SLC5A10: variants seen among roughly 807,000 people sequenced by gnomAD.
SLC5A10 encodes solute carrier family 5 member 10.
SLC5A10 carries 55 observed loss-of-function variants against 68.9 expected under a neutral mutation model. The observed-to-expected ratio is 0.80, with a 90% CI of 0.64 to 1.00. SLC5A10 has a LOEUF of 1.00. Ranked by LOEUF, SLC5A10 falls within the 50% of genes least tolerant of loss-of-function variation. SLC5A10 has a pLI of 0.00. For synonymous variants in SLC5A10, 344 were observed against 344.8 expected, an observed-to-expected ratio of 1.00 and a Z score of 0.02; for missense variants, 732 against 819.3, an observed-to-expected ratio of 0.89 and a Z score of 1.30.
intron 9 of SLC5A10, among the ~76,000 whole-genome samples, chr17:19,001,810 G>A (rs536188466): frequency 1.3e-5 from 2 of 152,326 alleles, no homozygotes; most frequent in Non-Finnish European, 2.9e-5. Context: ...CGGGGGATCT[G>A]TCTGTCTGCA....
chr17:18,979,508 A>C (rs1567791998), intron 9 of SLC5A10: 1 of 1,607,874 alleles, frequency 6.2e-7, no homozygotes. Flanking sequence ...TGGGAGCCAG[A>C]GGTACCTCTC....
In SLC5A10 at chr17:19,003,582, G is replaced by A. The variant is rs1412817231; in HGVS notation, c.983-9828G>A. 1 of 1,598,418 alleles carries A rather than the reference G, an allele frequency of 6.3e-7. No individual in the cohort carries two copies. On this transcript the variant is annotated intron_variant, in intron 9 of 14. Coordinates refer to ENST00000395645, the MANE Select transcript of SLC5A10 (RefSeq NM_001042450.4). The surrounding 1 kb of genome is among the most constrained non-coding windows in gnomAD (Gnocchi z 4.5). ...TTGATGTGGGCCTGCCCGTCTATGGGGGGCTGCATGTAGACGCTAGCCCGG... is the reference window on the plus strand; with the variant it reads ...TTGATGTGGGCCTGCCCGTCTATGGAGGGCTGCATGTAGACGCTAGCCCGG...
chr17:19,015,960 C>T (rs1231427664), intron 11 of SLC5A10, among the ~76,000 whole-genome samples: 1 of 152,114 alleles, frequency 6.6e-6, no homozygotes, highest in Non-Finnish European at 1.5e-5. Flanking sequence ...ATCCATCACC[C>T]GAGTGGTATA....
At position 19,017,652 on chromosome 17, in the gene SLC5A10, C is replaced by T. The variant is rs144294169; in HGVS notation, c.1242-1771C>T. On this transcript the variant is annotated intron_variant, in intron 11 of 14. Transcript: ENST00000395645. The surrounding 1 kb of genome is among the most constrained non-coding windows in gnomAD (Gnocchi z 5.6). ...CAGTCCACTGTTCCGCCACTGCCCCCCTGCCCCACTCTCCCCTGTCTGTGT... is the reference window on the plus strand; with the variant it reads ...CAGTCCACTGTTCCGCCACTGCCCCTCTGCCCCACTCTCCCCTGTCTGTGT... The T allele has an allele frequency of 2.3e-4, 110 of 471,606 alleles. No homozygotes were observed. The East Asian group carries it at 3.6e-3, about 16-fold the overall frequency. The allele number at this position is 471,606 out of a possible 1,614,324, so 29.2% of individuals were successfully genotyped here. A position where few individuals can be genotyped will look rare whatever the true frequency, so the allele number is the denominator to read the frequency against.
intron 7 of SLC5A10, chr17:18,970,533 CAG>C: frequency 5.6e-6 from 1 of 178,044 alleles, no homozygotes; most frequent in South Asian, 1.2e-4. Context: ...CTCTGTGCCT[CAG>C]GGGGTGGGGC....
rs2044182374 is a variant in SLC5A10, at chr17:19,018,313, G to A, written c.1242-1110G>A. 6.6e-6 allele frequency: 1 copy of A among 152,362 alleles called. No individual in the cohort carries two copies. Among genetic ancestry groups the A allele is most frequent in the African/African-American group, 2.4e-5 (1 of 41,452 alleles). The allele number at this position is 152,362 out of a possible 1,614,324, so 9.4% of individuals were successfully genotyped here. A position where few individuals can be genotyped will look rare whatever the true frequency, so the allele number is the denominator to read the frequency against. ...GACACAGGGGTGAGGTGCTCAGCCA[G>A]GGAGGAGCGGATGGATGCCATGCCC... is the stretch of plus-strand genomic sequence containing the variant. On this transcript the variant is annotated intron_variant, in intron 11 of 14. Transcript: ENST00000395645. This position sits in a 1 kb window ranked among gnomAD's most constrained non-coding sequence, Gnocchi z 4.2.
chr17:18,987,459 G>A (rs1467737112), intron 9 of SLC5A10, among the ~76,000 whole-genome samples: 2 of 152,234 alleles, frequency 1.3e-5, no homozygotes, highest in Admixed American at 6.5e-5. Flanking sequence ...TGCTCTGCAC[G>A]CAGCAGGTGC....
rs770065900 is a variant in SLC5A10, at chr17:19,017,369, C to T, written c.1242-2054C>T. 9 of 1,551,860 alleles carry T rather than the reference C, an allele frequency of 5.8e-6. No individual in the cohort carries two copies. Among genetic ancestry groups the T allele is most frequent in the Non-Finnish European group, 7.8e-6 (9 of 1,147,024 alleles). ...AACACCACCATTGGAGCGGTATCTC[C>T]TAGGCCTCGTGGTCATGGATCTCTG... is the stretch of plus-strand genomic sequence containing the variant. On this transcript the variant is annotated intron_variant, in intron 11 of 14. Transcript: ENST00000395645. This position sits in a 1 kb window ranked among gnomAD's most constrained non-coding sequence, Gnocchi z 5.6.
In SLC5A10 at chr17:18,969,326, T is replaced by A; in HGVS notation, c.560-16T>A. ...GGGGCCAGGGCCCCCTCCAGCAACCTTGCTTCCACTGGCAGGGGGCCTGGC... is the reference window on the plus strand; with the variant it reads ...GGGGCCAGGGCCCCCTCCAGCAACCATGCTTCCACTGGCAGGGGGCCTGGC... On this transcript the variant is annotated splice_polypyrimidine_tract_variant and intron_variant, in intron 6 of 14. Coordinates refer to ENST00000395645, the MANE Select transcript of SLC5A10 (RefSeq NM_001042450.4). 6.2e-7 allele frequency: 1 copy of A among 1,612,620 alleles called. No individual in the cohort carries two copies. The highest frequency in any genetic ancestry group is 8.5e-7 in the Non-Finnish European group (1 of 1,179,528).
chr17:18,958,722 T>G lies in SLC5A10; in HGVS notation c.152T>G (p.Phe51Cys). The change falls in exon 2 of 15, where the codon TTC (phenylalanine) becomes TGC (cysteine). Residue 51 changes from phenylalanine (F) to cysteine (C), a missense_variant. Coordinates refer to ENST00000395645, the MANE Select transcript of SLC5A10 (RefSeq NM_001042450.4). ...RASRNTVNGY[F>C]LAGRDMTWWP... ...AGTAGGAACACGGTGAATGGCTACT[T>G]CCTGGCAGGCCGGGACATGACGTGG... 6.2e-7 allele frequency: 1 copy of G among 1,614,214 alleles called. No homozygotes were observed. Among genetic ancestry groups the G allele is most frequent in the Middle Eastern group, 1.6e-4 (1 of 6,062 alleles).
intron 9 of SLC5A10, among the ~76,000 whole-genome samples, chr17:18,991,241 G>A (rs1244862138): frequency 6.6e-6 from 1 of 152,154 alleles, no homozygotes; most frequent in Non-Finnish European, 1.5e-5. Context: ...GGAAGGTCCT[G>A]GGGAGCTTTT....
Position 19,017,753 on chromosome 17 carries a change from A to C in SLC5A10, c.1242-1670A>C. On this transcript the variant is annotated intron_variant, in intron 11 of 14. Coordinates refer to ENST00000395645, the MANE Select transcript of SLC5A10 (RefSeq NM_001042450.4). This position sits in a 1 kb window ranked among gnomAD's most constrained non-coding sequence, Gnocchi z 5.6. ...TGCAGGACTCGGAGAGATCTCAGACACCCCTCCTTGAGATGTTCCACAGTA... is the reference window on the plus strand; with the variant it reads ...TGCAGGACTCGGAGAGATCTCAGACCCCCCTCCTTGAGATGTTCCACAGTA... 1 of 208,602 alleles carries C rather than the reference A, an allele frequency of 4.8e-6. No homozygotes were observed. Among genetic ancestry groups the C allele is most frequent in the Non-Finnish European group, 9.7e-6 (1 of 103,064 alleles). The allele number at this position is 208,602 out of a possible 1,614,324, so 12.9% of individuals were successfully genotyped here. A position where few individuals can be genotyped will look rare whatever the true frequency, so the allele number is the denominator to read the frequency against.
At chr17:19,011,093 A>G (rs1162186880) in intron 9 of SLC5A10, among the ~76,000 whole-genome samples, 1 of 152,154 alleles carries the variant, frequency 6.6e-6, no homozygotes, top group Non-Finnish European at 1.5e-5. Context: ...TGGGACTTGG[A>G]GATGATTCAA....
Position 19,003,825 on chromosome 17 carries a change from C to T in SLC5A10, c.983-9585C>T. 1 of 1,612,982 alleles carries T rather than the reference C, an allele frequency of 6.2e-7. No homozygotes were observed. The highest frequency in any genetic ancestry group is 8.5e-7 in the Non-Finnish European group (1 of 1,179,940). On this transcript the variant is annotated intron_variant, in intron 9 of 14. Transcript: ENST00000395645. This position sits in a 1 kb window ranked among gnomAD's most constrained non-coding sequence, Gnocchi z 4.5. ...GGGTCCTCAGAGCCCGGGTCGTACA[C>T]CTCGATGGTCTCCAGGATGCGCTTG...
chr17:18,989,896 T>A (rs1235096490), intron 9 of SLC5A10, among the ~76,000 whole-genome samples: 4 of 152,104 alleles, frequency 2.6e-5, no homozygotes, highest in Non-Finnish European at 5.9e-5. Context: ...AGGGTTGGTC[T>A]CCAGTACCTT....
At chr17:18,978,903 C>T in intron 9 of SLC5A10, 1 of 1,588,692 alleles carries the variant, frequency 6.3e-7, no homozygotes, top group Non-Finnish European at 8.6e-7. Context: ...CTTCCTCCGC[C>T]CAGCCCCCGT....
At chr17:18,978,716 A>G (rs772149780) in intron 9 of SLC5A10, 2 of 1,612,920 alleles carry the variant, frequency 1.2e-6, no homozygotes, top group East Asian at 2.2e-5. Context: ...TTCCTTCTCC[A>G]TAGGGATGCC....
intron 1 of SLC5A10, among the ~76,000 whole-genome samples, chr17:18,956,349 G>A (rs2042500947): frequency 6.6e-6 from 1 of 151,674 alleles, no homozygotes; most frequent in African/African-American, 2.4e-5. Flanking sequence ...CATATTGATG[G>A]ATATATTTTG....
At chr17:18,976,708 G>A (rs2152007319) in intron 8 of SLC5A10, 146 bp from the exon 9 acceptor site, 1 of 1,077,584 alleles carries the variant, frequency 9.3e-7, no homozygotes, top group East Asian at 2.6e-5. Flanking sequence ...CAGTATTGGG[G>A]CTTTGAGTGT....
Sources: gnomAD v4.1 joint callset for allele counts (sites outside exome capture counted in the v4.1 genomes callset) on GRCh38, gnomAD v4.1.1 for gene constraint, Gnocchi (gnomAD v3.1) non-coding constraint, MANE v1.5 for transcripts, NCBI Gene and HGNC (gene_info 2026-07-23, HGNC 2026-07-21) for gene names.